Variants in TMEM132C observed in about 807,000 individuals in gnomAD.
TMEM132C encodes the protein protein phosphatase 1, regulatory subunit 152.
In TMEM132C, 29 loss-of-function variants were observed where a neutral mutation model predicts 61.4. That is an observed-to-expected ratio of 0.47 (90% CI 0.35 to 0.64). The LOEUF (loss-of-function observed/expected upper bound fraction) is 0.64. Among genes scored for constraint, TMEM132C ranks in the 30% least tolerant of loss-of-function variants. The probability of loss-of-function intolerance (pLI) is 0.00; values close to 1 mark genes in which losing one functional copy is unlikely to be tolerated. For synonymous variants in TMEM132C, 656 were observed against 633.1 expected (o/e 1.04, Z -0.54); for missense variants, 1,408 against 1,476.9 (o/e 0.95, Z 0.76).
intron 1 of TMEM132C, among the ~76,000 whole-genome samples, chr12:128,295,847 A>G (rs1871397965): frequency 6.6e-6 from 1 of 151,338 alleles, no homozygotes; most frequent in Non-Finnish European, 1.5e-5. Context: ...TTCAGACCAT[A>G]TTTAGTTGTA....
chr12:128,662,487 T>G (rs111434407), intron 4 of TMEM132C, among the ~76,000 whole-genome samples: 6 of 152,198 alleles, frequency 3.9e-5, no homozygotes, highest in African/African-American at 1.4e-4. Context: ...AAGGCAATTC[T>G]CTCTCAGGTC....
At chr12:128,553,373 A>G (rs1203171199) in intron 3 of TMEM132C, among the ~76,000 whole-genome samples, 1 of 152,144 alleles carries the variant, frequency 6.6e-6, no homozygotes, top group Non-Finnish European at 1.5e-5. Context: ...ACATATTCAA[A>G]GATATGTTTT....
intron 3 of TMEM132C, among the ~76,000 whole-genome samples, chr12:128,577,583 G>T (rs1339999306): frequency 6.6e-6 from 1 of 152,204 alleles, no homozygotes; most frequent in Non-Finnish European, 1.5e-5. Flanking sequence ...TGTTCCTTTC[G>T]GAAACTAATT....
chr12:128,706,062 G>A lies in TMEM132C; in HGVS notation c.3094G>A (p.Gly1032Arg), dbSNP rs765410697. The change falls in exon 9 of 9, where the codon GGG (glycine) becomes AGG (arginine). Residue 1032 changes from glycine to arginine, a missense_variant. By Grantham distance (125) the Gly-to-Arg change is moderately radical (BLOSUM62 -2). Coordinates refer to ENST00000435159, the MANE Select transcript of TMEM132C (RefSeq NM_001136103.3). The part of the protein sequence containing the change: ...QSQIHRSADS[G>R]GRQGREQKQD... ...CCAGATTCACAGGTCAGCCGACTCC[G>A]GGGGGCGGCAGGGCAGAGAACAGAA... is the stretch of plus-strand genomic sequence containing the variant. 8.4e-6 allele frequency: 13 copies of A among 1,551,510 alleles called. No homozygotes were observed. Among genetic ancestry groups the A allele is most frequent in the East Asian group, 7.3e-5 (3 of 40,924 alleles).
intron 3 of TMEM132C, among the ~76,000 whole-genome samples, chr12:128,562,487 A>G (rs988553568): frequency 6.6e-6 from 1 of 152,026 alleles, no homozygotes; most frequent in African/African-American, 2.4e-5. Context: ...TGCTTGTTCC[A>G]TCTCCAATGC....
At chr12:128,410,375 A>C (rs1279566192) in intron 1 of TMEM132C, among the ~76,000 whole-genome samples, 1 of 151,658 alleles carries the variant, frequency 6.6e-6, no homozygotes, top group South Asian at 2.1e-4. Context: ...ATATATATAC[A>C]CACACACATA....
chr12:128,331,142 A>C, intron 1 of TMEM132C, among the ~76,000 whole-genome samples: 1 of 149,444 alleles, frequency 6.7e-6, no homozygotes, highest in Non-Finnish European at 1.5e-5. Context: ...CTGCTCCCCA[A>C]TCCTGTTTTC....
intron 1 of TMEM132C, among the ~76,000 whole-genome samples, chr12:128,330,539 C>A (rs552200674): frequency 3.3e-5 from 5 of 152,056 alleles, no homozygotes; most frequent in African/African-American, 1.2e-4. Context: ...GGCAACAGAG[C>A]GAGACCCCAT....
At chr12:128,400,673 A>G (rs574270672) in intron 1 of TMEM132C, among the ~76,000 whole-genome samples, 2 of 150,646 alleles carry the variant, frequency 1.3e-5, no homozygotes, top group Non-Finnish European at 2.9e-5. Flanking sequence ...CACTGGCACA[A>G]TCTCGGCTCA....
At chr12:128,449,136 C>CAAA (rs141298455) in intron 2 of TMEM132C, among the ~76,000 whole-genome samples, 67 of 50,688 alleles carry the variant, frequency 1.3e-3, no homozygotes, top group Non-Finnish European at 1.8e-3. Flanking sequence ...GACTCTGTCT[C>CAAA]AAAAAAAAAA....
chr12:128,308,438 G>A (rs1432012925), intron 1 of TMEM132C, among the ~76,000 whole-genome samples: 2 of 152,022 alleles, frequency 1.3e-5, no homozygotes, highest in African/African-American at 2.4e-5. Flanking sequence ...TTGCACAGCC[G>A]ATGGTATTTA....
chr12:128,613,868 T>C (rs1876714852), intron 3 of TMEM132C, among the ~76,000 whole-genome samples: 1 of 152,262 alleles, frequency 6.6e-6, no homozygotes, highest in African/African-American at 2.4e-5. Context: ...CTACTCTTCA[T>C]GTTGGCACAT....
chr12:128,355,981 C>T (rs556413911), intron 1 of TMEM132C, among the ~76,000 whole-genome samples: 1 of 152,120 alleles, frequency 6.6e-6, no homozygotes, highest in Non-Finnish European at 1.5e-5. Flanking sequence ...GCAAGCAGGT[C>T]ATCTCTGTGT....
At chr12:128,619,042 C>T (rs1015096148) in intron 4 of TMEM132C, among the ~76,000 whole-genome samples, 3 of 152,242 alleles carry the variant, frequency 2.0e-5, no homozygotes, top group African/African-American at 7.2e-5. Context: ...AAAAAGTAAA[C>T]TTTTATTGGA....
intron 3 of TMEM132C, among the ~76,000 whole-genome samples, chr12:128,593,732 C>T (rs1283736149): frequency 6.6e-6 from 1 of 152,208 alleles, no homozygotes; most frequent in Non-Finnish European, 1.5e-5. Flanking sequence ...ATCTCTTTCT[C>T]CACTCATTCC....
At chr12:128,567,604 G>T (rs1459902137) in intron 3 of TMEM132C, among the ~76,000 whole-genome samples, 1 of 151,426 alleles carries the variant, frequency 6.6e-6, no homozygotes, top group Non-Finnish European at 1.5e-5. Context: ...TCTCTATAAA[G>T]CTGAGGAAAA....
intron 5 of TMEM132C, among the ~76,000 whole-genome samples, chr12:128,672,485 C>A (rs1460655154): frequency 1.3e-5 from 2 of 152,128 alleles, no homozygotes; most frequent in Admixed American, 1.3e-4. Context: ...GACAGGAAGT[C>A]CATTACTAAT....
chr12:128,497,131 T>A (rs6486690), intron 2 of TMEM132C, among the ~76,000 whole-genome samples: 53,328 of 151,696 alleles, frequency 0.35, 9,546 homozygotes, highest in East Asian at 0.57. Context: ...TCAGCAGTGG[T>A]GGCTGCAGAA....
chr12:128,479,979 C>T (rs914758857), intron 2 of TMEM132C, among the ~76,000 whole-genome samples: 9 of 152,088 alleles, frequency 5.9e-5, no homozygotes, highest in African/African-American at 2.2e-4. Context: ...CCTTTTTGCC[C>T]AGGCATGGTG....
Sources: gnomAD v4.1 joint callset for allele counts (sites outside exome capture counted in the v4.1 genomes callset) on GRCh38, gnomAD v4.1.1 for gene constraint, MANE v1.5 for transcripts, NCBI Gene and HGNC (gene_info 2026-07-23, HGNC 2026-07-21) for gene names.